ATP8A1: variants seen among roughly 807,000 people sequenced by gnomAD.
The protein encoded by ATP8A1 is ATPase phospholipid transporting 8A1.
ATP8A1 carries 90 observed loss-of-function variants against 177.7 expected under a neutral mutation model. The ratio of observed to expected loss-of-function variants is 0.51; its 90% CI spans 0.43 to 0.60. ATP8A1 has a LOEUF of 0.60. Among genes scored for constraint, ATP8A1 ranks in the 20% least tolerant of loss-of-function variants. The probability of loss-of-function intolerance (pLI) is 0.00; values close to 1 mark genes in which losing one functional copy is unlikely to be tolerated. For missense variants in ATP8A1, 1,072 were observed against 1,392.8 expected (o/e 0.77, Z 3.67); for synonymous variants, 493 against 485.9 (o/e 1.01, Z -0.19).
intron 1 of ATP8A1, among the ~76,000 whole-genome samples, chr4:42,649,315 C>T (rs1160799251): frequency 2.6e-5 from 4 of 152,132 alleles, no homozygotes; most frequent in Admixed American, 1.3e-4. Context: ...AAAATTTACA[C>T]AAATCTATAT....
At chr4:42,524,984 A>G (rs528232010) in intron 20 of ATP8A1, 137 bp from the exon 21 acceptor site, 5 of 513,072 alleles carry the variant, frequency 9.7e-6, no homozygotes, top group East Asian at 3.2e-5. Context: ...AGAACAAGAT[A>G]TTTTTGTCTA....
intron 24 of ATP8A1, among the ~76,000 whole-genome samples, chr4:42,497,810 T>C (rs934533861): frequency 6.6e-6 from 1 of 152,218 alleles, no homozygotes; most frequent in African/African-American, 2.4e-5. Flanking sequence ...TGTTTACACT[T>C]TTTACTAACC....
chr4:42,448,474 C>T lies in ATP8A1; in HGVS notation c.2897-1830G>A, dbSNP rs142707760. ...GTGCAGTGATGTGACCTCAGCTCACCGCAACCTCCACCTCCTGGGTTCAAG... is the reference window on the plus strand; with the variant it reads ...GTGCAGTGATGTGACCTCAGCTCACTGCAACCTCCACCTCCTGGGTTCAAG... On this transcript the variant is annotated intron_variant, in intron 30 of 36. Transcript: ENST00000381668. 8.4e-3 allele frequency among the ~76,000 whole-genome samples: 1,109 copies of T among 132,524 alleles called. 13 individuals carry two copies. The highest frequency in any genetic ancestry group is 0.029 in the African/African-American group (1,042 of 35,938). The allele number at this position is 132,524 out of a possible 152,430, so 86.9% of individuals were successfully genotyped here. A position where few individuals can be genotyped will look rare whatever the true frequency, so the allele number is the denominator to read the frequency against.
chr4:42,511,370 G>C (rs1724988808), intron 22 of ATP8A1, among the ~76,000 whole-genome samples: 1 of 152,066 alleles, frequency 6.6e-6, no homozygotes, highest in Admixed American at 6.5e-5. Flanking sequence ...TGGGCACTAG[G>C]GGAATTACAT....
At position 42,574,633 on chromosome 4, in the gene ATP8A1, C is replaced by T. The variant is rs150406881; in HGVS notation, c.1281G>A (p.Ala427=). Residue 427 remains alanine (A), a synonymous_variant, in exon 14 of 37, where the codon GCG becomes GCA. Transcript: ENST00000381668. ...AAAAAACTCACCCATAAGCAACTCC[C>T]GCTATGGTGCACTTCTTAAACTGCA... ...NVMQFKKCTI[A]GVAYGHVPEP... is the part of the protein sequence containing the mutation. The T allele has an allele frequency of 3.5e-5, 56 of 1,609,736 alleles. No individual in the cohort carries two copies. Among genetic ancestry groups the T allele is most frequent in the African/African-American group, 1.6e-4 (12 of 74,714 alleles).
chr4:42,581,554 T>G, intron 10 of ATP8A1, 67 bp downstream of exon 10: 1 of 1,151,692 alleles, frequency 8.7e-7, no homozygotes, highest in Non-Finnish European at 1.3e-6. Context: ...ACCACTGCAC[T>G]GAGATCTGTA....
chr4:42,417,802 T>C lies in ATP8A1; in HGVS notation c.3306-3084A>G, dbSNP rs992397838. The stretch of plus-strand genomic sequence containing the variant: ...TTCATGGAATGTTTAATGTATAGCA[T>C]GCAATAGCTGTCCTACACTAGGGTA... On this transcript the variant is annotated intron_variant, in intron 35 of 36. Coordinates refer to ENST00000381668, the MANE Select transcript of ATP8A1 (RefSeq NM_006095.2). Among the ~76,000 whole-genome samples the C allele has an allele frequency of 7.2e-5, 11 of 152,356 alleles. No individual in the cohort carries two copies. In the South Asian group the frequency reaches 2.1e-3, roughly 29 times the overall value.
chr4:42,557,910 C>G (rs1730408867), intron 15 of ATP8A1, among the ~76,000 whole-genome samples: 1 of 151,918 alleles, frequency 6.6e-6, no homozygotes, highest in Non-Finnish European at 1.5e-5. Flanking sequence ...AGGTGTGGTC[C>G]CAGCTACTCG....
At chr4:42,544,933 G>A (rs986600841) in intron 19 of ATP8A1, among the ~76,000 whole-genome samples, 1 of 151,984 alleles carries the variant, frequency 6.6e-6, no homozygotes, top group Non-Finnish European at 1.5e-5. Flanking sequence ...AGGCCGAGGC[G>A]GGCGGATCAC....
chr4:42,605,096 G>T (rs1735661924), intron 5 of ATP8A1, among the ~76,000 whole-genome samples: 1 of 152,194 alleles, frequency 6.6e-6, no homozygotes, highest in African/African-American at 2.4e-5. Flanking sequence ...AGGTTGTGGT[G>T]ATCGGTGCAT....
intron 22 of ATP8A1, among the ~76,000 whole-genome samples, chr4:42,507,786 A>C (rs1724567274): frequency 7.7e-6 from 1 of 129,712 alleles, no homozygotes; most frequent in African/African-American, 2.7e-5. Context: ...ATTCTAAAAA[A>C]AAAAAAAAAA....
At chr4:42,481,524 T>G (rs756804016) in intron 25 of ATP8A1, among the ~76,000 whole-genome samples, 1 of 152,238 alleles carries the variant, frequency 6.6e-6, no homozygotes, top group African/African-American at 2.4e-5. Context: ...AATCTCTAGA[T>G]AAAATGCTTT....
At chr4:42,413,144 T>C in intron 36 of ATP8A1, 131 bp from the exon 37 acceptor site, 1 of 661,050 alleles carries the variant, frequency 1.5e-6, no homozygotes, top group East Asian at 2.8e-5. Context: ...ATGGAGACAC[T>C]GATTTTTAAT....
chr4:42,564,748 A>C (rs563689387), intron 15 of ATP8A1, among the ~76,000 whole-genome samples: 1 of 152,280 alleles, frequency 6.6e-6, no homozygotes, highest in South Asian at 2.1e-4. Flanking sequence ...TTAATGCTGA[A>C]ATGAGTTAAG....
chr4:42,590,121 G>C (rs893985036), intron 7 of ATP8A1, among the ~76,000 whole-genome samples: 2 of 152,180 alleles, frequency 1.3e-5, no homozygotes, highest in Admixed American at 1.3e-4. Context: ...CTAGTCAAGA[G>C]AGGCAAAGCA....
intron 27 of ATP8A1, among the ~76,000 whole-genome samples, chr4:42,460,633 C>T (rs182820111): frequency 5.9e-5 from 9 of 152,208 alleles, no homozygotes; most frequent in Admixed American, 3.9e-4. Context: ...GTGATCTGCC[C>T]GCCTCAGCCT....
At chr4:42,425,351 G>C (rs1714473303) in intron 33 of ATP8A1, among the ~76,000 whole-genome samples, 1 of 152,162 alleles carries the variant, frequency 6.6e-6, no homozygotes, top group Non-Finnish European at 1.5e-5. Context: ...TGCTAACGAT[G>C]AATGGAGGAG....
At chr4:42,616,600 T>G (rs949644970) in intron 4 of ATP8A1, among the ~76,000 whole-genome samples, 1 of 152,210 alleles carries the variant, frequency 6.6e-6, no homozygotes, top group African/African-American at 2.4e-5. Context: ...CAACGATGTC[T>G]ACCACTGGCA....
chr4:42,517,905 T>C (rs1324580961), intron 22 of ATP8A1, among the ~76,000 whole-genome samples: 2 of 152,190 alleles, frequency 1.3e-5, no homozygotes, highest in African/African-American at 2.4e-5. Flanking sequence ...GGTGGGCTTT[T>C]TCACTTTCCA....
Sources: allele counts gnomAD v4.1 joint callset (sites outside exome capture counted in the v4.1 genomes callset), GRCh38; gene constraint gnomAD v4.1.1; transcripts MANE v1.5; gene names NCBI Gene and HGNC (gene_info 2026-07-23, HGNC 2026-07-21).